Variants in RIMS1 observed in about 807,000 individuals in gnomAD.
The protein encoded by RIMS1 is regulating synaptic membrane exocytosis 1.
Under a neutral mutation model 214.1 loss-of-function variants are expected in RIMS1, and 83 were observed. That is an observed-to-expected ratio of 0.39 (90% confidence interval 0.32 to 0.47). The LOEUF (loss-of-function observed/expected upper bound fraction) is 0.47. RIMS1 is among the 20% of genes least tolerant of loss of function. The pLI, the probability that RIMS1 is intolerant of heterozygous loss-of-function variation, is 0.99. For synonymous variants in RIMS1, 793 were observed against 786.8 expected (o/e 1.01, Z -0.13); for missense variants, 2,050 against 2,161.8 (o/e 0.95, Z 1.03).
At chr6:72,024,219 G>A (rs938747367) in intron 2 of RIMS1, among the ~76,000 whole-genome samples, 17 of 151,532 alleles carry the variant, frequency 1.1e-4, no homozygotes, top group African/African-American at 4.1e-4. Flanking sequence ...TTCCTTCTTG[G>A]CTTCTTTGTT....
intron 4 of RIMS1, among the ~76,000 whole-genome samples, chr6:72,149,872 C>G (rs2043280360): frequency 6.6e-6 from 1 of 152,202 alleles, no homozygotes; most frequent in Non-Finnish European, 1.5e-5. Flanking sequence ...GGCTTGCAGA[C>G]CAGCCTGTAT....
chr6:72,367,507 G>C (rs1433516598), intron 29 of RIMS1, among the ~76,000 whole-genome samples: 1 of 152,142 alleles, frequency 6.6e-6, no homozygotes, highest in Admixed American at 6.5e-5. Context: ...TTAATAATTT[G>C]ATGAAATTTC....
chr6:72,125,316 C>A (rs1371709341), intron 4 of RIMS1, among the ~76,000 whole-genome samples: 1 of 152,192 alleles, frequency 6.6e-6, no homozygotes, highest in East Asian at 1.9e-4. Context: ...GCAGAGGCTG[C>A]AGAACAGCAA....
At chr6:72,012,440 T>A (rs1201886857) in intron 2 of RIMS1, among the ~76,000 whole-genome samples, 1 of 152,088 alleles carries the variant, frequency 6.6e-6, no homozygotes, top group Non-Finnish European at 1.5e-5. Context: ...GTAACAAACC[T>A]GCATGTTGTG....
rs1039677677 is a variant in RIMS1, at chr6:72,263,997, A to G, written c.3117-978A>G. The G allele has an allele frequency of 5.9e-6, 4 of 672,442 alleles. No individual in the cohort carries two copies. In the African/African-American group the frequency reaches 7.8e-5, roughly 13 times the overall value. The allele number at this position is 672,442 out of a possible 1,614,324, so 41.7% of individuals were successfully genotyped here. On this transcript the variant is annotated intron_variant, in intron 19 of 33. Transcript: ENST00000521978. ...AACAAGAGTGAGACTCTGTCTCAAA[A>G]AAGAAAAGAAAAGAAAATGGCATTT...
At chr6:72,156,120 A>G in intron 4 of RIMS1, 1 of 320,042 alleles carries the variant, frequency 3.1e-6, no homozygotes, top group Non-Finnish European at 6.4e-6. Context: ...ACTTCTGGAT[A>G]TACATCAAGA....
At chr6:71,986,995 A>G (rs1800182379) in intron 2 of RIMS1, among the ~76,000 whole-genome samples, 2 of 152,242 alleles carry the variant, frequency 1.3e-5, no homozygotes, top group Non-Finnish European at 2.9e-5. Flanking sequence ...TATTTGGAGA[A>G]GAGGATAAAT....
In RIMS1 at chr6:71,968,976, GCC is replaced by G. The variant is rs766721792; in HGVS notation, c.165-4_165-3del. On this transcript the variant is annotated splice_polypyrimidine_tract_variant and splice_region_variant and intron_variant, in intron 1 of 33. Coordinates refer to ENST00000521978, the MANE Select transcript of RIMS1 (RefSeq NM_014989.7). Reference sequence around the variant, plus strand: ...TAGTGCGTTGTGCTGTCTATCATGCGCCCCAGGTGTGTTGTCAGGGACATGGC... The same window carrying G: ...TAGTGCGTTGTGCTGTCTATCATGCGCCAGGTGTGTTGTCAGGGACATGGC... 1.2e-6 allele frequency: 2 copies of G among 1,613,360 alleles called. No individual in the cohort carries two copies. The highest frequency in any genetic ancestry group is 1.7e-6 in the Non-Finnish European group (2 of 1,179,418).
chr6:72,051,156 T>C (rs1824535384), intron 2 of RIMS1, among the ~76,000 whole-genome samples: 1 of 152,182 alleles, frequency 6.6e-6, no homozygotes, highest in African/African-American at 2.4e-5. Flanking sequence ...GTTATCTCAG[T>C]CTGACAAAGG....
intron 16 of RIMS1, among the ~76,000 whole-genome samples, chr6:72,254,270 G>A (rs187319445): frequency 3.3e-5 from 5 of 152,208 alleles, no homozygotes; most frequent in African/African-American, 1.2e-4. Context: ...AACCTTTGAT[G>A]TCAGTGTATC....
rs184119645 is a variant in RIMS1, at chr6:72,083,746, T to C, written c.246-13203T>C. On this transcript the variant is annotated intron_variant, in intron 2 of 33. Coordinates refer to ENST00000521978, the MANE Select transcript of RIMS1 (RefSeq NM_014989.7). ...TGCTAAGCACTTTACATTGATTATCTCAATTAACCCTCCCAATAATCTTAC... is the reference window on the plus strand; with the variant it reads ...TGCTAAGCACTTTACATTGATTATCCCAATTAACCCTCCCAATAATCTTAC... Among the ~76,000 whole-genome samples the C allele has an allele frequency of 4.6e-4, 70 of 152,296 alleles. No individual in the cohort carries two copies. In the Middle Eastern group the frequency reaches 0.01, roughly 22 times the overall value.
At position 72,067,376 on chromosome 6, in the gene RIMS1, C is replaced by G. The variant is rs184780779; in HGVS notation, c.246-29573C>G. Among the ~76,000 whole-genome samples, 17 of 152,304 alleles carry G rather than the reference C, an allele frequency of 1.1e-4. No individual in the cohort carries two copies. The East Asian group carries it at 3.3e-3, about 29-fold the overall frequency. On this transcript the variant is annotated intron_variant, in intron 2 of 33. Transcript: ENST00000521978. Reference sequence around the variant, plus strand: ...CTTCAAGCTTGTTCCTCCCTCAGTGCCTTTGTACTTGCTATTCCCTCTACC... The same window carrying G: ...CTTCAAGCTTGTTCCTCCCTCAGTGGCTTTGTACTTGCTATTCCCTCTACC...
chr6:72,069,619 C>T (rs1397535708), intron 2 of RIMS1, among the ~76,000 whole-genome samples: 1 of 152,226 alleles, frequency 6.6e-6, no homozygotes, highest in Non-Finnish European at 1.5e-5. Context: ...CAGGTGAGCA[C>T]TTGCTTTACT....
In RIMS1 at chr6:72,242,350, C is replaced by T. The variant is rs535265738; in HGVS notation, c.1994C>T (p.Pro665Leu). The T allele has an allele frequency of 1.3e-5, 21 of 1,562,938 alleles. No individual in the cohort carries two copies. Among genetic ancestry groups the T allele is most frequent in the South Asian group, 4.7e-5 (4 of 84,712 alleles). The stretch of plus-strand genomic sequence containing the variant: ...CTAGAATGGAATGGTAAACCCCTGC[C>T]GGGAGCTACAAATGAAGAAGTTTAC... The part of the protein sequence containing the change: ...EVLEWNGKPL[P>L]GATNEEVYNI... Residue 665 changes from proline (P) to leucine (L), a missense_variant, in exon 10 of 34, where the codon CCG becomes CTG. Pro to Leu is a moderately conservative substitution (Grantham distance 98). Coordinates refer to ENST00000521978, the MANE Select transcript of RIMS1 (RefSeq NM_014989.7).
At chr6:71,898,142 T>C (rs543983499) in intron 1 of RIMS1, among the ~76,000 whole-genome samples, 1 of 152,284 alleles carries the variant, frequency 6.6e-6, no homozygotes, top group African/African-American at 2.4e-5. Context: ...TATTTGAATA[T>C]AGGTGAGGAT....
chr6:72,135,675 G>A (rs1042543012), intron 4 of RIMS1, among the ~76,000 whole-genome samples: 1 of 152,110 alleles, frequency 6.6e-6, no homozygotes, highest in African/African-American at 2.4e-5. Context: ...ACATCACAGG[G>A]AAATTCACTA....
intron 2 of RIMS1, among the ~76,000 whole-genome samples, chr6:72,003,475 C>T (rs1303860238): frequency 1.3e-5 from 2 of 152,182 alleles, no homozygotes; most frequent in East Asian, 3.9e-4. Flanking sequence ...AGCCATCTTC[C>T]TCACTATTCC....
chr6:72,331,526 T>A (rs549477932), intron 28 of RIMS1, among the ~76,000 whole-genome samples: 15 of 151,960 alleles, frequency 9.9e-5, no homozygotes, highest in Admixed American at 3.3e-4. Context: ...AGCAGAATTC[T>A]GCAAGTAAAA....
intron 2 of RIMS1, among the ~76,000 whole-genome samples, chr6:71,977,466 A>G (rs537997320): frequency 1.3e-5 from 2 of 152,306 alleles, no homozygotes; most frequent in African/African-American, 4.8e-5. Context: ...TGAACAAAGC[A>G]GAGTCTTTGT....
Sources: gnomAD v4.1 joint callset for allele counts (sites outside exome capture counted in the v4.1 genomes callset) on GRCh38, gnomAD v4.1.1 for gene constraint, MANE v1.5 for transcripts, NCBI Gene and HGNC (gene_info 2026-07-23, HGNC 2026-07-21) for gene names.